DPH6: variants seen among roughly 807,000 people sequenced by gnomAD.
DPH6 encodes the protein diphthamine biosynthesis 6, also known as diphthine--ammonia ligase.
In DPH6, 33 loss-of-function variants were observed where a neutral mutation model predicts 38.2. That is an observed-to-expected ratio of 0.86 (90% CI 0.65 to 1.15). The LOEUF (loss-of-function observed/expected upper bound fraction) is 1.15. DPH6 is among the 50% of genes most tolerant of loss of function. The probability of loss-of-function intolerance (pLI) is 0.00; values close to 1 mark genes in which losing one functional copy is unlikely to be tolerated. For synonymous variants in DPH6, 108 were observed against 103.0 expected (o/e 1.05, Z -0.30); for missense variants, 325 against 320.0 (o/e 1.02, Z -0.12).
chr15:35,248,681 G>T (rs1022527504), intron 3 of DPH6, among the ~76,000 whole-genome samples: 2 of 152,154 alleles, frequency 1.3e-5, no homozygotes, highest in African/African-American at 4.8e-5. Context: ...TTATGCTTTT[G>T]TCAGTCTGTC....
intron 3 of DPH6, among the ~76,000 whole-genome samples, chr15:35,275,390 T>C (rs1473126798): frequency 6.6e-6 from 1 of 152,188 alleles, no homozygotes; most frequent in Non-Finnish European, 1.5e-5. Context: ...AATAAGCTCA[T>C]GTCCTTTGCA....
intron 3 of DPH6, among the ~76,000 whole-genome samples, chr15:35,336,018 C>T (rs144726956): frequency 1.8e-4 from 27 of 151,998 alleles, no homozygotes; most frequent in Middle Eastern, 3.4e-3. Context: ...TCCATGAGCA[C>T]TGAATCTTTA....
At chr15:35,328,951 G>A (rs192214025), downstream of DPH6, among the ~76,000 whole-genome samples, 2 of 152,238 alleles carry the variant, frequency 1.3e-5, no homozygotes, top group Non-Finnish European at 2.9e-5. Flanking sequence ...ATGCAAAAGC[G>A]GAAACCCCTG....
chr15:35,536,188 A>AT (rs2055166566), intron 3 of DPH6, among the ~76,000 whole-genome samples: 1 of 152,004 alleles, frequency 6.6e-6, no homozygotes, highest in Non-Finnish European at 1.5e-5. Flanking sequence ...ATTCATTAGA[A>AT]TATGTAAGAC....
intron 3 of DPH6, among the ~76,000 whole-genome samples, chr15:35,318,880 A>T (rs901637804): frequency 2.0e-5 from 3 of 152,198 alleles, no homozygotes; most frequent in Non-Finnish European, 4.4e-5. Context: ...TAGGATTGTA[A>T]TCAAGGTCTT....
At chr15:35,393,755 G>C (rs1055243728) in intron 6 of DPH6, among the ~76,000 whole-genome samples, 3 of 152,096 alleles carry the variant, frequency 2.0e-5, no homozygotes, top group Non-Finnish European at 4.4e-5. Context: ...CTGTTTTCTC[G>C]AATGTCAAGG....
chr15:35,256,020 AT>A (rs1393617924), intron 3 of DPH6, among the ~76,000 whole-genome samples: 1 of 151,988 alleles, frequency 6.6e-6, no homozygotes, highest in Admixed American at 6.6e-5. Context: ...ACACACCTAT[AT>A]AACATATATA....
chr15:35,204,597 T>C, the DPH6 span, among the ~76,000 whole-genome samples: 1 of 151,778 alleles, frequency 6.6e-6, no homozygotes, highest in Middle Eastern at 3.2e-3. Flanking sequence ...GGGGACAAGA[T>C]GGGTTATGCC....
intron 5 of DPH6, among the ~76,000 whole-genome samples, chr15:35,435,857 A>G (rs966242956): frequency 2.6e-5 from 4 of 151,912 alleles, no homozygotes; most frequent in African/African-American, 9.7e-5. Context: ...TTCTGAGGGT[A>G]GAGGAAACTG....
At chr15:35,486,660 C>T (rs2054402544) in intron 3 of DPH6, among the ~76,000 whole-genome samples, 1 of 152,144 alleles carries the variant, frequency 6.6e-6, no homozygotes, top group Non-Finnish European at 1.5e-5. Context: ...GGTGGGGACA[C>T]AGAGCCAAAC....
At chr15:35,527,153 C>T (rs1378148608) in intron 3 of DPH6, among the ~76,000 whole-genome samples, 1 of 151,998 alleles carries the variant, frequency 6.6e-6, no homozygotes, top group Non-Finnish European at 1.5e-5. Flanking sequence ...GTAACTACCA[C>T]TTAATATTAA....
At chr15:35,522,188 C>G in intron 3 of DPH6, 1 of 1,613,400 alleles carries the variant, frequency 6.2e-7, no homozygotes, top group Middle Eastern at 1.6e-4. Flanking sequence ...GTCCTGTAAA[C>G]AATCGCCTGG....
At chr15:35,251,464 T>C (rs966490216) in intron 3 of DPH6, among the ~76,000 whole-genome samples, 1 of 152,182 alleles carries the variant, frequency 6.6e-6, no homozygotes, top group Non-Finnish European at 1.5e-5. Flanking sequence ...GATCATGTCA[T>C]TCTCATGCAC....
chr15:35,288,124 T>A (rs1241871721), intron 3 of DPH6, among the ~76,000 whole-genome samples: 1 of 152,198 alleles, frequency 6.6e-6, no homozygotes, highest in Non-Finnish European at 1.5e-5. Flanking sequence ...GTTCATTTTG[T>A]CAACTACATA....
chr15:35,160,795 C>A, the DPH6 span, among the ~76,000 whole-genome samples: 1 of 151,916 alleles, frequency 6.6e-6, no homozygotes, highest in South Asian at 2.1e-4. Context: ...GCATTTGATG[C>A]AATTAAGCTC....
chr15:35,220,812 GA>G (rs35030494), intron 3 of DPH6, among the ~76,000 whole-genome samples: 2 of 151,496 alleles, frequency 1.3e-5, no homozygotes, highest in Admixed American at 6.6e-5. Context: ...GGGCAGTATT[GA>G]AAAAAAAATT....
At chr15:35,214,948 C>T (rs1024714055), downstream of DPH6, among the ~76,000 whole-genome samples, 2 of 152,184 alleles carry the variant, frequency 1.3e-5, no homozygotes, top group African/African-American at 2.4e-5. Flanking sequence ...CTTCTACTCT[C>T]GCAAGAATCT....
At chr15:35,268,208 TAAATAAATA>T (rs1398989479) in intron 3 of DPH6, among the ~76,000 whole-genome samples, 1 of 122,436 alleles carries the variant, frequency 8.2e-6, no homozygotes, top group Non-Finnish European at 1.7e-5. Context: ...AATAAATAAA[TAAATAAATA>T]AAAGAAAACT....
intron 3 of DPH6, among the ~76,000 whole-genome samples, chr15:35,501,146 C>T (rs1299755984): frequency 6.6e-6 from 1 of 152,118 alleles, no homozygotes; most frequent in African/African-American, 2.4e-5. Flanking sequence ...TTTCCCATCT[C>T]ATCGAAATTT....
Sources: gnomAD v4.1 joint callset for allele counts (sites outside exome capture counted in the v4.1 genomes callset) on GRCh38, gnomAD v4.1.1 for gene constraint, MANE v1.5 for transcripts, NCBI Gene and HGNC (gene_info 2026-07-23, HGNC 2026-07-21) for gene names.